SP2: variants seen among roughly 807,000 people sequenced by gnomAD.
SP2 encodes transcription factor Sp2.
SP2 carries 9 observed loss-of-function variants against 50.1 expected under a neutral mutation model. The ratio of observed to expected loss-of-function variants is 0.18; its 90% confidence interval spans 0.11 to 0.31. SP2 has a LOEUF of 0.31. SP2 is among the 10% of genes least tolerant of loss of function. The probability of loss-of-function intolerance (pLI) is 1.00; values close to 1 mark genes in which losing one functional copy is unlikely to be tolerated. For missense variants in SP2, 581 were observed against 806.5 expected, an observed-to-expected ratio of 0.72 and a Z score of 3.39; for synonymous variants, 313 against 326.6, an observed-to-expected ratio of 0.96 and a Z score of 0.45.
At chr17:47,930,813 C>T (rs1598184739), downstream of SP2, among the ~76,000 whole-genome samples, 2 of 152,054 alleles carry the variant, frequency 1.3e-5, no homozygotes, top group Admixed American at 6.6e-5. Context: ...CTGTCCCCAG[C>T]GTCATGTGCA....
intron 1 of SP2, among the ~76,000 whole-genome samples, chr17:47,905,132 A>G (rs2034707466): frequency 6.6e-6 from 1 of 152,162 alleles, no homozygotes; most frequent in Admixed American, 6.5e-5. Context: ...CACAATTTGG[A>G]GTCTTTCACT....
chr17:47,930,851 C>G (rs2035804192), downstream of SP2, among the ~76,000 whole-genome samples: 1 of 152,188 alleles, frequency 6.6e-6, no homozygotes, highest in Non-Finnish European at 1.5e-5. Context: ...TGCCCTTCCT[C>G]TCTGTCCAGC....
chr17:47,896,277 A>G lies in SP2; in HGVS notation c.-10A>G, dbSNP rs2034323660. The G allele has an allele frequency of 8.1e-7, 1 of 1,238,022 alleles. No homozygotes were observed. 76.7% of individuals were successfully genotyped at this position (1,238,022 alleles called of 1,614,324 possible). ...CGGAGGCGGCGGAGGCCAGGGAGGA[A>G]GATGTCGTAATGAGCGGTGGGTCCC... On this transcript the variant is annotated 5_prime_UTR_variant, in exon 1 of 7. Coordinates refer to ENST00000376741, the MANE Select transcript of SP2 (RefSeq NM_003110.6).
At chr17:47,903,754 G>A (rs544974373) in intron 1 of SP2, among the ~76,000 whole-genome samples, 2 of 152,278 alleles carry the variant, frequency 1.3e-5, no homozygotes, top group East Asian at 1.9e-4. Context: ...GAAGTCAGGA[G>A]ATTGAGACCA....
chr17:47,915,661 G>A (rs2035170444), intron 2 of SP2, among the ~76,000 whole-genome samples: 1 of 152,202 alleles, frequency 6.6e-6, no homozygotes, highest in Admixed American at 6.5e-5. Context: ...TCATTGTCTC[G>A]AAAGTGTAGC....
intron 1 of SP2, among the ~76,000 whole-genome samples, chr17:47,912,457 T>TC (rs1567694451): frequency 6.6e-6 from 1 of 151,696 alleles, no homozygotes; most frequent in Non-Finnish European, 1.5e-5. Flanking sequence ...TTTTTTTTTT[T>TC]TTATGGAGAT....
In SP2 at chr17:47,900,113, T is replaced by C. The variant is rs566183677; in HGVS notation, c.7+3820T>C. ...ATACCAGTTTGTCCCTTTGTGGTGA[T>C]TTAGGCAGTTAGGTGGCCTTTGATC... On this transcript the variant is annotated intron_variant, in intron 1 of 6. Coordinates refer to ENST00000376741, the MANE Select transcript of SP2 (RefSeq NM_003110.6). 3 of 152,348 alleles carry C rather than the reference T, an allele frequency of 2.0e-5. No individual in the cohort carries two copies. The East Asian group carries it at 5.8e-4, about 29-fold the overall frequency. 9.4% of individuals were successfully genotyped at this position (152,348 alleles called of 1,614,324 possible). A position where few individuals can be genotyped will look rare whatever the true frequency, so the allele number is the denominator to read the frequency against.
At chr17:47,919,725 GC>G (rs1430791674) in intron 3 of SP2, among the ~76,000 whole-genome samples, 2 of 149,840 alleles carry the variant, frequency 1.3e-5, no homozygotes, top group Non-Finnish European at 3.0e-5. Context: ...TTCACCACTT[GC>G]CCCACTAATT....
rs115460669 is a variant in SP2, at chr17:47,923,739, C to T, written c.1372+465C>T. 9.4e-3 allele frequency among the ~76,000 whole-genome samples: 1,424 copies of T among 152,266 alleles called. 19 individuals are homozygous for T. The highest frequency in any genetic ancestry group is 0.03 in the African/African-American group (1,247 of 41,538). On this transcript the variant is annotated intron_variant, in intron 4 of 6. Coordinates refer to ENST00000376741, the MANE Select transcript of SP2 (RefSeq NM_003110.6). ...AGGGGGAGCTCTCTGAATTTCTCTT[C>T]ATCCTTAATGAATTTTTTTTTTGAG...
downstream of SP2, among the ~76,000 whole-genome samples, chr17:47,931,070 A>G (rs2035809008): frequency 6.6e-6 from 1 of 152,010 alleles, no homozygotes; most frequent in African/African-American, 2.4e-5. Flanking sequence ...GGCCGGGCAC[A>G]GTGGCTCATG....
intron 1 of SP2, chr17:47,898,700 A>G (rs2034430585): frequency 6.6e-6 from 1 of 152,224 alleles, no homozygotes; most frequent in Non-Finnish European, 1.5e-5. Context: ...GACAATGGCT[A>G]TGGAATGAAA....
chr17:47,927,350 A>G (rs1020920784), intron 6 of SP2, among the ~76,000 whole-genome samples: 1 of 152,080 alleles, frequency 6.6e-6, no homozygotes, highest in Non-Finnish European at 1.5e-5. Flanking sequence ...CCTGGACAAC[A>G]TGGCGAAACC....
chr17:47,901,808 CG>C (rs1567687571), intron 1 of SP2, among the ~76,000 whole-genome samples: 3 of 152,208 alleles, frequency 2.0e-5, no homozygotes, highest in South Asian at 4.1e-4. Flanking sequence ...TTCCTAAACT[CG>C]CTTTAGGCCC....
intron 3 of SP2, among the ~76,000 whole-genome samples, chr17:47,920,497 AG>A (rs1431504224): frequency 6.6e-6 from 1 of 151,952 alleles, no homozygotes. Context: ...CATGTTAGCC[AG>A]GGTAGTCTCG....
rs139006236 is a variant in SP2 at position 47,926,315 on chromosome 17, G to T, written c.1741+774G>T. Among the ~76,000 whole-genome samples, 216 of 140,168 alleles carry T rather than the reference G, an allele frequency of 1.5e-3. 2 individuals carry two copies. Among genetic ancestry groups the T allele is most frequent in the African/African-American group, 4.1e-3 (157 of 37,946 alleles). The allele number at this position is 140,168 out of a possible 152,430, so 92.0% of individuals were successfully genotyped here. A position where few individuals can be genotyped will look rare whatever the true frequency, so the allele number is the denominator to read the frequency against. On this transcript the variant is annotated intron_variant, in intron 6 of 6. Transcript: ENST00000376741. ...CACCCAGGCCCTGCCATGGCTTTTT[G>T]TTTTTTTTTTTTTTTAAGACAGGGT...
chr17:47,900,962 G>A (rs572608403), intron 1 of SP2, among the ~76,000 whole-genome samples: 12 of 151,994 alleles, frequency 7.9e-5, no homozygotes, highest in Non-Finnish European at 1.3e-4. Context: ...CTGTTTCTTG[G>A]GCCTGCTTTG....
chr17:47,920,747 A>G (rs550067482), intron 3 of SP2, among the ~76,000 whole-genome samples: 1 of 152,188 alleles, frequency 6.6e-6, no homozygotes, highest in African/African-American at 2.4e-5. Context: ...TATCCCTCTG[A>G]CAGGCTCTCA....
At position 47,923,030 on chromosome 17, in the gene SP2, T is replaced by G. The variant is rs1383333335; in HGVS notation, c.1128T>G (p.Ala376=). 1 of 1,614,174 alleles carries G rather than the reference T, an allele frequency of 6.2e-7. No homozygotes were observed. The highest frequency in any genetic ancestry group is 8.5e-7 in the Non-Finnish European group (1 of 1,180,014). The change falls in exon 4 of 7, where the codon GCT becomes GCG. Residue 376 remains alanine (A), a synonymous_variant. Coordinates refer to ENST00000376741, the MANE Select transcript of SP2 (RefSeq NM_003110.6). ...VLVQDSPPAT[A]AATSNTTCSS... ...TCCAGGACAGCCCCCCAGCAACAGC[T>G]GCAGCCACCTCTAACACCACCTGTA...
At chr17:47,913,645 C>T (rs1030556140) in intron 1 of SP2, among the ~76,000 whole-genome samples, 11 of 152,110 alleles carry the variant, frequency 7.2e-5, no homozygotes, top group Admixed American at 2.0e-4. Flanking sequence ...TGGGTTCAAG[C>T]GATCTTCCCA....
Sources: gnomAD v4.1 joint callset for allele counts (sites outside exome capture counted in the v4.1 genomes callset) on GRCh38, gnomAD v4.1.1 for gene constraint, MANE v1.5 for transcripts, NCBI Gene and HGNC (gene_info 2026-07-23, HGNC 2026-07-21) for gene names.